Variants in MGAM observed in about 807,000 individuals in gnomAD.
MGAM encodes the protein maltase-glucoamylase.
In MGAM, 253 loss-of-function variants were observed where a neutral mutation model predicts 358.8. That is an observed-to-expected ratio of 0.71 (90% CI 0.64 to 0.78). The LOEUF (loss-of-function observed/expected upper bound fraction) is 0.78. MGAM is among the 30% of genes least tolerant of loss of function. The probability of loss-of-function intolerance (pLI) is 0.00; values close to 1 mark genes in which losing one functional copy is unlikely to be tolerated. For synonymous variants in MGAM, 1,105 were observed against 1,227.1 expected (o/e 0.90, Z 2.08); for missense variants, 3,080 against 3,432.6 (o/e 0.90, Z 2.57).
intron 8 of MGAM, among the ~76,000 whole-genome samples, chr7:142,025,690 A>G (rs1300410520): frequency 1.3e-5 from 2 of 152,206 alleles, no homozygotes; most frequent in East Asian, 3.8e-4. Flanking sequence ...ATGGCGAGTA[A>G]GCAATGCTGT....
intron 54 of MGAM, 111 bp from the exon 55 acceptor site, chr7:142,085,722 G>A: frequency 1.5e-6 from 2 of 1,341,432 alleles, no homozygotes; most frequent in Non-Finnish European, 2.0e-6. Flanking sequence ...GGACTTGAAA[G>A]CATCAACAAG....
rs1325829429 is a variant in MGAM, at chr7:142,050,835, C to T, written c.2776C>T (p.Pro926Ser). 2 of 1,613,546 alleles carry T rather than the reference C, an allele frequency of 1.2e-6. No homozygotes were observed. The highest frequency in any genetic ancestry group is 2.2e-5 in the East Asian group (1 of 44,886). Residue 926 changes from proline to serine, a missense_variant, in exon 24 of 71, where the codon CCT (proline) becomes TCT (serine). By Grantham distance (74) the Pro-to-Ser change is moderately conservative. Transcript: ENST00000475668. ...CAATGGTGTCCCAAGTCAGACTTCT[C>T]CTACAGTCACTTATGATTCTAACCT... ...KHNGVPSQTS[P>S]TVTYDSNLKV...
At chr7:142,040,615 C>T in intron 20 of MGAM, 107 bp from the exon 21 acceptor site, 4 of 1,382,782 alleles carry the variant, frequency 2.9e-6, no homozygotes, top group South Asian at 1.4e-5. Context: ...GACCATAATT[C>T]AGCTAATTGG....
chr7:142,059,675 A>C, intron 32 of MGAM, 75 bp downstream of exon 32: 1 of 1,593,312 alleles, frequency 6.3e-7, no homozygotes, highest in East Asian at 2.2e-5. Flanking sequence ...GTTATACTTT[A>C]TTTCCATGTT....
At chr7:142,055,968 A>T (rs1456793886) in intron 28 of MGAM, 32 bp from the exon 29 acceptor site, 1 of 1,581,906 alleles carries the variant, frequency 6.3e-7, no homozygotes, top group Non-Finnish European at 8.6e-7. Flanking sequence ...ATGTCTTTTA[A>T]ACTCCTACTG....
At chr7:142,076,551 T>C in intron 46 of MGAM, 108 bp from the exon 47 acceptor site, 1 of 1,058,814 alleles carries the variant, frequency 9.4e-7, no homozygotes, top group South Asian at 1.4e-5. Flanking sequence ...CAGAGAGGCA[T>C]TCATGGCAGT....
intron 9 of MGAM, 27 bp downstream of exon 9, chr7:142,027,254 C>T (rs1554461299): frequency 6.6e-7 from 1 of 1,518,642 alleles, no homozygotes; most frequent in Non-Finnish European, 9.1e-7. Context: ...AAGATTATGA[C>T]TCAGGAAATC....
At chr7:142,043,051 C>T (rs183303302) in intron 21 of MGAM, among the ~76,000 whole-genome samples, 2 of 73,788 alleles carry the variant, frequency 2.7e-5, no homozygotes, top group Non-Finnish European at 4.3e-5. Flanking sequence ...AATATAATAT[C>T]TATATTATAT....
Position 142,082,381 on chromosome 7 carries a change from A to T in MGAM, c.6172-94A>T, listed in dbSNP as rs1814388640. 17 of 1,286,918 alleles carry T rather than the reference A, an allele frequency of 1.3e-5. 2 individuals carry two copies. Among genetic ancestry groups the T allele is most frequent in the Middle Eastern group, 2.5e-4 (1 of 4,056 alleles). 79.7% of individuals were successfully genotyped at this position (1,286,918 alleles called of 1,614,324 possible). A position where few individuals can be genotyped will look rare whatever the true frequency, so the allele number is the denominator to read the frequency against. On this transcript the variant is annotated intron_variant, in intron 51 of 70. Coordinates refer to ENST00000475668, the MANE Select transcript of MGAM (RefSeq NM_001365693.1). The stretch of plus-strand genomic sequence containing the variant: ...GTGTTTAATTGATTTCATGGAGAAA[A>T]CTAGACCCATCTTAGCAAGCATATT...
rs1815430264 is a variant in MGAM, at chr7:142,092,010, A to G, written c.6908A>G (p.Asn2303Ser). The change falls in exon 58 of 71, where the codon AAT becomes AGT. Residue 2303 changes from asparagine to serine, a missense_variant. This residue lies in a region of MGAM where 932 missense variants were observed against 1,198.2 expected (regional missense o/e 0.78). Coordinates refer to ENST00000475668, the MANE Select transcript of MGAM (RefSeq NM_001365693.1). ...EIEELYNNPQ[N>S]PERSLKFDGM... Reference sequence around the variant, plus strand: ...GAAGAACTATACAACAATCCACAGAATCCAGAGAGGAGCTTGAAGTTTGAT... The same window carrying G: ...GAAGAACTATACAACAATCCACAGAGTCCAGAGAGGAGCTTGAAGTTTGAT... 6.5e-7 allele frequency: 1 copy of G among 1,535,758 alleles called. No homozygotes were observed. The highest frequency in any genetic ancestry group is 8.9e-7 in the Non-Finnish European group (1 of 1,121,500).
chr7:142,048,837 A>T (rs1260838141), intron 22 of MGAM, among the ~76,000 whole-genome samples: 3 of 152,224 alleles, frequency 2.0e-5, no homozygotes, highest in Non-Finnish European at 4.4e-5. Flanking sequence ...TGGCAAATAA[A>T]GATGAAATAT....
rs756442085 is a variant in MGAM, at chr7:142,100,834, T to C, written c.7907T>C (p.Leu2636Ser). Reference protein sequence around the residue: ...RQKFMGFKIALDDEGTAGGWL... With the variant: ...RQKFMGFKIASDDEGTAGGWL... ...AAATTCATGGGCTTCAAAATTGCCT[T>C]GGATGATGAAGGAACTGCTGGGGGC... The change falls in exon 68 of 71, where the codon TTG (leucine) becomes TCG (serine). Residue 2636 changes from leucine (L) to serine (S), a missense_variant. Leu to Ser is a moderately radical substitution (Grantham distance 145). This residue lies in a region of MGAM where 194 missense variants were observed against 172.8 expected (regional missense o/e 1.12). Transcript: ENST00000475668. 1.4e-5 allele frequency: 22 copies of C among 1,613,056 alleles called. No individual in the cohort carries two copies. Among genetic ancestry groups the C allele is most frequent in the Non-Finnish European group, 1.7e-5 (20 of 1,179,646 alleles).
At chr7:142,044,859 A>T (rs1359351899) in intron 21 of MGAM, among the ~76,000 whole-genome samples, 2 of 64,570 alleles carry the variant, frequency 3.1e-5, no homozygotes, top group Admixed American at 2.4e-4. Flanking sequence ...CACGTGTAAT[A>T]TATGATATAT....
intron 64 of MGAM, 151 bp from the exon 65 acceptor site, chr7:142,096,180 G>A: frequency 1.4e-6 from 1 of 735,642 alleles, no homozygotes; most frequent in South Asian, 1.7e-5. Flanking sequence ...CAGAGGCTGG[G>A]TGCTCCTGAT....
intron 12 of MGAM, among the ~76,000 whole-genome samples, chr7:142,031,094 T>G (rs1554463598): frequency 2.0e-5 from 3 of 152,200 alleles, no homozygotes; most frequent in Non-Finnish European, 4.4e-5. Context: ...AAAGCACCCG[T>G]TACTTTCTCA....
At chr7:141,990,687 T>G (rs1803907858) in intron 2 of MGAM, among the ~76,000 whole-genome samples, 1 of 152,152 alleles carries the variant, frequency 6.6e-6, no homozygotes, top group African/African-American at 2.4e-5. Flanking sequence ...TTTTTTATTT[T>G]TTTATTATTA....
At chr7:142,013,238 GGGAATA>G (rs1424098375) in intron 3 of MGAM, among the ~76,000 whole-genome samples, 3 of 152,060 alleles carry the variant, frequency 2.0e-5, no homozygotes, top group African/African-American at 7.2e-5. Flanking sequence ...AGTCAGCACT[GGGAATA>G]GGGTGGGTGG....
At chr7:142,035,430 G>A (rs1255318229) in intron 16 of MGAM, among the ~76,000 whole-genome samples, 2 of 152,150 alleles carry the variant, frequency 1.3e-5, no homozygotes, top group East Asian at 3.8e-4. Flanking sequence ...GGACGTATGA[G>A]TTAAATGTTA....
chr7:142,054,154 A>G (rs1055367234), intron 26 of MGAM, among the ~76,000 whole-genome samples: 6 of 152,170 alleles, frequency 3.9e-5, no homozygotes, highest in Non-Finnish European at 1.5e-5. Flanking sequence ...CTTCCCTAGA[A>G]TCTCACAGCA....
Sources: gnomAD v4.1 joint callset for allele counts (sites outside exome capture counted in the v4.1 genomes callset) on GRCh38, gnomAD v4.1.1 for gene constraint, gnomAD v4.1.1 regional missense constraint, MANE v1.5 for transcripts, NCBI Gene and HGNC (gene_info 2026-07-23, HGNC 2026-07-21) for gene names.